COL4A5: variants seen among roughly 807,000 people sequenced by gnomAD.
The protein encoded by COL4A5 is collagen type IV alpha 5 chain.
In COL4A5, 26 loss-of-function variants were observed where a neutral mutation model predicts 130.2. That is an observed-to-expected ratio of 0.20 (90% confidence interval 0.15 to 0.28). The LOEUF (loss-of-function observed/expected upper bound fraction) is 0.28, where lower values mean the gene tolerates loss of function less well. Ranked by LOEUF, COL4A5 falls within the 10% of genes least tolerant of loss-of-function variation. COL4A5 has a pLI of 1.00. For missense variants in COL4A5, 1,131 were observed against 1,344.3 expected (o/e 0.84, Z 2.48); for synonymous variants, 496 against 439.6 (o/e 1.13, Z -1.60).
intron 2 of COL4A5, among the ~76,000 whole-genome samples, chrX:108,550,707 G>A (rs73526242): frequency 0.094 from 10,460 of 111,280 alleles, 1,101 homozygotes; most frequent in African/African-American, 0.31. Context: ...AAAAGTATCC[G>A]TATTGAAAAG....
intron 1 of COL4A5, among the ~76,000 whole-genome samples, chrX:108,525,868 C>T (rs2065306525): frequency 9.0e-6 from 1 of 111,325 alleles, no homozygotes; most frequent in Admixed American, 9.5e-5. Flanking sequence ...GGAAGAATAG[C>T]CTTTGATCTT....
chrX:108,496,216 A>T (rs1373017408), intron 1 of COL4A5, among the ~76,000 whole-genome samples: 1 of 111,910 alleles, frequency 8.9e-6, no homozygotes, highest in Non-Finnish European at 1.9e-5. Context: ...TTTCCCTCTA[A>T]GAACATTTTA....
At chrX:108,481,143 G>T (rs1212438851) in intron 1 of COL4A5, among the ~76,000 whole-genome samples, 1 of 111,079 alleles carries the variant, frequency 9.0e-6, no homozygotes, top group Non-Finnish European at 1.9e-5. Context: ...TTAATTACCT[G>T]ACTTTCATAA....
chrX:108,440,654 A>C (rs1471764125), intron 1 of COL4A5: 4 of 139,669 alleles, frequency 2.9e-5, no homozygotes, highest in African/African-American at 9.7e-5. Context: ...GCTTCCATCA[A>C]AGTGTTTTTA....
At chrX:108,450,350 C>T (rs1363249038) in intron 1 of COL4A5, among the ~76,000 whole-genome samples, 1 of 111,570 alleles carries the variant, frequency 9.0e-6, no homozygotes, top group Non-Finnish European at 1.9e-5. Context: ...TGCTTCAGCC[C>T]CCCAAAGAGC....
At chrX:108,564,614 T>C in intron 4 of COL4A5, among the ~76,000 whole-genome samples, 1 of 112,073 alleles carries the variant, frequency 8.9e-6, no homozygotes, top group East Asian at 2.8e-4. Flanking sequence ...TTTTAAAAAA[T>C]CACATTTAGC....
At chrX:108,510,741 G>T (rs183100881) in intron 1 of COL4A5, among the ~76,000 whole-genome samples, 189 of 111,472 alleles carry the variant, frequency 1.7e-3, no homozygotes, top group African/African-American at 5.8e-3. Context: ...GTGATACCTT[G>T]TCTCCCAAAG....
At chrX:108,475,287 T>TGTA (rs1174290814) in intron 1 of COL4A5, among the ~76,000 whole-genome samples, 1 of 111,241 alleles carries the variant, frequency 9.0e-6, no homozygotes, top group Non-Finnish European at 1.9e-5. Flanking sequence ...TATTATTTCT[T>TGTA]GTAGTAGTAG....
chrX:108,523,889 T>C (rs1396759469), intron 1 of COL4A5, among the ~76,000 whole-genome samples: 1 of 111,725 alleles, frequency 9.0e-6, no homozygotes, highest in Non-Finnish European at 1.9e-5. Context: ...TTTATGCTAG[T>C]CTATAGGAAT....
chrX:108,539,588 G>A (rs2065505894), intron 1 of COL4A5, among the ~76,000 whole-genome samples, 158 bp from the exon 2 acceptor site: 1 of 112,082 alleles, frequency 8.9e-6, no homozygotes, highest in Non-Finnish European at 1.9e-5. Flanking sequence ...CAAGCTTCCT[G>A]AGAGGTAACT....
intron 8 of COL4A5, among the ~76,000 whole-genome samples, chrX:108,573,270 A>G (rs1176013628): frequency 9.0e-6 from 1 of 110,604 alleles, no homozygotes; most frequent in African/African-American, 3.3e-5. Context: ...GGCCTTGTTT[A>G]TCTTCTCCAT....
At position 108,614,806 on chromosome X, in the gene COL4A5, A is replaced by G. The variant is rs185493661; in HGVS notation, c.2396-105A>G. ...TACTTATGTGTACTTTTCTTGCTGA[A>G]TGAATGCCCAGTTTTTCAAGATTCT... On this transcript the variant is annotated intron_variant, in intron 29 of 52. Transcript: ENST00000328300. The G allele has an allele frequency of 2.1e-5, 12 of 561,746 alleles. No homozygotes were observed. The East Asian group carries it at 3.9e-4, about 18-fold the overall frequency. The allele number at this position is 561,746 out of a possible 1,213,427, so 46.3% of individuals were successfully genotyped here. A position where few individuals can be genotyped will look rare whatever the true frequency, so the allele number is the denominator to read the frequency against.
At chrX:108,538,296 A>G (rs963578032) in intron 1 of COL4A5, among the ~76,000 whole-genome samples, 3 of 112,078 alleles carry the variant, frequency 2.7e-5, no homozygotes, top group Non-Finnish European at 5.6e-5. Flanking sequence ...AGCGTAAAAT[A>G]CTAAAATCAG....
intron 2 of COL4A5, among the ~76,000 whole-genome samples, chrX:108,554,813 G>C (rs558322845): frequency 9.0e-6 from 1 of 111,410 alleles, no homozygotes; most frequent in East Asian, 2.8e-4. Context: ...AGTGAGCTGT[G>C]TTTGTGCCAC....
At chrX:108,572,442 A>C (rs1470242711) in intron 8 of COL4A5, among the ~76,000 whole-genome samples, 1 of 111,516 alleles carries the variant, frequency 9.0e-6, no homozygotes, top group East Asian at 2.8e-4. Flanking sequence ...GTGGCTCCTC[A>C]TATCTCAAAT....
At chrX:108,539,148 G>A (rs1281651483) in intron 1 of COL4A5, among the ~76,000 whole-genome samples, 2 of 110,617 alleles carry the variant, frequency 1.8e-5, no homozygotes, top group Non-Finnish European at 3.8e-5. Context: ...TGCTAATACA[G>A]AGTGAGAGGT....
intron 2 of COL4A5, among the ~76,000 whole-genome samples, 199 bp downstream of exon 2, chrX:108,540,004 T>A (rs1487041091): frequency 3.6e-5 from 4 of 112,135 alleles, no homozygotes; most frequent in Non-Finnish European, 7.5e-5. Flanking sequence ...AAAGGCCATA[T>A]AGCAAACATT....
At chrX:108,581,531 T>G (rs983252479) in intron 16 of COL4A5, among the ~76,000 whole-genome samples, 1 of 111,469 alleles carries the variant, frequency 9.0e-6, no homozygotes, top group Non-Finnish European at 1.9e-5. Flanking sequence ...CTCATGCTCT[T>G]TTTTAGTTAT....
rs1159575091 is a variant in COL4A5, at chrX:108,658,399, C to T, written c.3373+2942C>T. On this transcript the variant is annotated intron_variant, in intron 37 of 52. Transcript: ENST00000328300. ...CATGGCCATGAGAGAGATTGGCCTACGATTTTCTTTTCTCATAGTGTCCTT... is the reference window on the plus strand; with the variant it reads ...CATGGCCATGAGAGAGATTGGCCTATGATTTTCTTTTCTCATAGTGTCCTT... Among the ~76,000 whole-genome samples, 4 of 110,614 alleles carry T rather than the reference C, an allele frequency of 3.6e-5. No individual in the cohort carries two copies. In the South Asian group the frequency reaches 1.1e-3, roughly 31 times the overall value.
Sources: allele counts gnomAD v4.1 joint callset (sites outside exome capture counted in the v4.1 genomes callset), GRCh38; gene constraint gnomAD v4.1.1; transcripts MANE v1.5; gene names NCBI Gene and HGNC (gene_info 2026-07-23, HGNC 2026-07-21).